Variants in SLC4A4 observed in about 807,000 individuals in gnomAD.
SLC4A4 encodes solute carrier family 4 member 4.
A neutral mutation model predicts 111.5 loss-of-function variants in SLC4A4; 27 were observed. The observed-to-expected ratio is 0.24, with a 90% confidence interval of 0.18 to 0.33. The LOEUF is 0.33. Ranked by LOEUF, SLC4A4 falls within the 10% of genes least tolerant of loss-of-function variation. The probability of loss-of-function intolerance (pLI) is 1.00; values close to 1 mark genes in which losing one functional copy is unlikely to be tolerated. For synonymous variants in SLC4A4, 443 were observed against 463.4 expected (o/e 0.96, Z 0.57); for missense variants, 909 against 1,315.5 (o/e 0.69, Z 4.78).
chr4:71,280,075 T>C (rs1489565833), intron 3 of SLC4A4, among the ~76,000 whole-genome samples: 1 of 152,228 alleles, frequency 6.6e-6, no homozygotes, highest in African/African-American at 2.4e-5. Context: ...ATCACAGGTG[T>C]GAGCCACCCT....
intron 3 of SLC4A4, chr4:71,300,465 C>T (rs1265625794): frequency 8.2e-6 from 2 of 244,300 alleles, no homozygotes; most frequent in Non-Finnish European, 1.7e-5. Context: ...AGCCCTGCCT[C>T]AGCACCACAA....
intron 16 of SLC4A4, among the ~76,000 whole-genome samples, chr4:71,509,531 C>G (rs959230754): frequency 1.3e-5 from 2 of 151,978 alleles, no homozygotes; most frequent in Non-Finnish European, 2.9e-5. Flanking sequence ...TGTAAGCAAT[C>G]TGTGATTGCC....
intron 16 of SLC4A4, among the ~76,000 whole-genome samples, chr4:71,501,883 T>G (rs765030844): frequency 6.6e-6 from 1 of 152,130 alleles, no homozygotes; most frequent in Non-Finnish European, 1.5e-5. Flanking sequence ...CCAGATGGTC[T>G]CGATCTCCTG....
At chr4:71,170,864 A>T (rs541314468) in intron 2 of SLC4A4, among the ~76,000 whole-genome samples, 83 of 152,348 alleles carry the variant, frequency 5.4e-4, no homozygotes, top group African/African-American at 1.9e-3. Flanking sequence ...TAAATTGGAT[A>T]TTTTAAAATA....
chr4:71,526,859 ACT>A (rs971026074), intron 16 of SLC4A4, among the ~76,000 whole-genome samples: 1 of 151,430 alleles, frequency 6.6e-6, no homozygotes, highest in African/African-American at 2.4e-5. Flanking sequence ...TTGGCTCATG[ACT>A]CTTTTCTTCA....
At position 71,204,311 on chromosome 4, in the gene SLC4A4, C is replaced by T. The variant is rs1345671474; in HGVS notation, c.-2+16910C>T. Among the ~76,000 whole-genome samples the T allele has an allele frequency of 7.2e-5, 11 of 152,262 alleles. No homozygotes were observed. The East Asian group carries it at 2.1e-3, about 29-fold the overall frequency. On this transcript the variant is annotated intron_variant, in intron 1 of 25. Coordinates refer to ENST00000264485, the MANE Select transcript of SLC4A4 (RefSeq NM_001098484.3). ...CAACCCCCATGTGGGCGTAGAATAG[C>T]AAGCATGTCTTTCTGTTTACCAGGA...
chr4:71,310,943 G>A (rs905373446), intron 3 of SLC4A4, among the ~76,000 whole-genome samples: 8 of 152,160 alleles, frequency 5.3e-5, no homozygotes, highest in African/African-American at 1.7e-4. Flanking sequence ...CATCTCATGT[G>A]CAAAGACACA....
At chr4:71,098,730 T>A (rs912143596) in intron 2 of SLC4A4, among the ~76,000 whole-genome samples, 2 of 152,006 alleles carry the variant, frequency 1.3e-5, no homozygotes, top group Non-Finnish European at 2.9e-5. Context: ...ATTCCACATG[T>A]AATGACAACT....
intron 3 of SLC4A4, among the ~76,000 whole-genome samples, chr4:71,291,295 G>A (rs541472382): frequency 5.4e-4 from 82 of 152,274 alleles, no homozygotes; most frequent in Non-Finnish European, 6.5e-4. Context: ...AAACCTGCAC[G>A]TTGTGCACAT....
At chr4:71,326,339 T>C (rs964200648) in intron 3 of SLC4A4, among the ~76,000 whole-genome samples, 3 of 151,888 alleles carry the variant, frequency 2.0e-5, no homozygotes, top group African/African-American at 7.3e-5. Flanking sequence ...GACTTAGAAA[T>C]AGTTGACCTA....
chr4:71,391,212 G>A (rs1719225619), intron 6 of SLC4A4, among the ~76,000 whole-genome samples: 1 of 152,072 alleles, frequency 6.6e-6, no homozygotes, highest in East Asian at 1.9e-4. Flanking sequence ...TCTATTACAT[G>A]TAAGTTATCT....
Position 71,568,122 on chromosome 4 carries a change from T to TC in SLC4A4, c.*373dup. 1 of 409,620 alleles carries TC rather than the reference T, an allele frequency of 2.4e-6. No homozygotes were observed. The highest frequency in any genetic ancestry group is 4.3e-6 in the Non-Finnish European group (1 of 230,568). The allele number at this position is 409,620 out of a possible 1,614,324, so 25.4% of individuals were successfully genotyped here. A position where few individuals can be genotyped will look rare whatever the true frequency, so the allele number is the denominator to read the frequency against. ...TTTTGTTCTTAAACTTTCAGATGTG[T>TC]CCTTTGATAACCAAATTCTGTCACT... is the stretch of plus-strand genomic sequence containing the variant. On this transcript the variant is annotated 3_prime_UTR_variant, in exon 26 of 26. Transcript: ENST00000264485.
intron 1 of SLC4A4, among the ~76,000 whole-genome samples, chr4:71,220,609 T>C (rs1279635032): frequency 6.6e-6 from 1 of 152,206 alleles, no homozygotes; most frequent in East Asian, 1.9e-4. Context: ...AGTTGATTTG[T>C]TTGAATTAGC....
At chr4:71,344,033 T>C (rs1729111903) in intron 4 of SLC4A4, among the ~76,000 whole-genome samples, 1 of 152,136 alleles carries the variant, frequency 6.6e-6, no homozygotes, top group African/African-American at 2.4e-5. Context: ...CAATGCTTCC[T>C]ATCCCTCATC....
intron 16 of SLC4A4, among the ~76,000 whole-genome samples, chr4:71,507,668 A>G (rs78486569): frequency 0.054 from 8,177 of 152,234 alleles, 332 homozygotes; most frequent in Non-Finnish European, 0.081. Flanking sequence ...CCCACTGACA[A>G]TATTATACAT....
At chr4:71,236,234 A>AC in intron 1 of SLC4A4, 3 of 958,044 alleles carry the variant, frequency 3.1e-6, no homozygotes, top group Non-Finnish European at 3.8e-6. Flanking sequence ...CTCTCTTGGT[A>AC]TTTTTTTTTT....
chr4:71,250,675 A>G (rs1721001269), intron 2 of SLC4A4, among the ~76,000 whole-genome samples: 1 of 152,202 alleles, frequency 6.6e-6, no homozygotes, highest in Non-Finnish European at 1.5e-5. Flanking sequence ...TATGCTCACT[A>G]CGGGTTTGCC....
intron 16 of SLC4A4, among the ~76,000 whole-genome samples, chr4:71,515,206 A>AT (rs1426227966): frequency 6.6e-6 from 1 of 151,604 alleles, no homozygotes; most frequent in Non-Finnish European, 1.5e-5. Context: ...AATTTTTTTG[A>AT]TTTTCATCTT....
At chr4:71,177,396 G>C (rs1320551420) in intron 2 of SLC4A4, among the ~76,000 whole-genome samples, 1 of 152,162 alleles carries the variant, frequency 6.6e-6, no homozygotes, top group Non-Finnish European at 1.5e-5. Context: ...ATTGGATAAA[G>C]AGTCAAGACC....
Sources: gnomAD v4.1 joint callset for allele counts (sites outside exome capture counted in the v4.1 genomes callset) on GRCh38, gnomAD v4.1.1 for gene constraint, MANE v1.5 for transcripts, NCBI Gene and HGNC (gene_info 2026-07-23, HGNC 2026-07-21) for gene names.